Variants in PHACTR4 observed in about 807,000 individuals in gnomAD.
PHACTR4 encodes protein phosphatase 1, regulatory subunit 124.
Under a neutral mutation model 72.7 loss-of-function variants are expected in PHACTR4, and 51 were observed. That is an observed-to-expected ratio of 0.70 (90% CI 0.56 to 0.89). The LOEUF (loss-of-function observed/expected upper bound fraction) is 0.89. Ranked by LOEUF, PHACTR4 falls within the 40% of genes least tolerant of loss-of-function variation. The pLI is 0.00. For missense variants in PHACTR4, 731 were observed against 861.8 expected (o/e 0.85, Z 1.90); for synonymous variants, 255 against 302.5 (o/e 0.84, Z 1.63).
At chr1:28,414,241 A>G (rs979923911) in intron 2 of PHACTR4, among the ~76,000 whole-genome samples, 3 of 151,612 alleles carry the variant, frequency 2.0e-5, no homozygotes, top group African/African-American at 7.3e-5. Context: ...TGCCTGGCTA[A>G]TTTTTGTAGT....
intron 2 of PHACTR4, 111 bp from the exon 3 acceptor site, chr1:28,458,974 C>A: frequency 1.1e-6 from 1 of 940,558 alleles, no homozygotes; most frequent in Non-Finnish European, 1.5e-6. Context: ...GATTGTTTAT[C>A]GTTGCTCCGA....
Position 28,496,675 on chromosome 1 carries a change from G to A in PHACTR4, c.*126G>A. ...TGCATCCTCTGGGATCTTCTGAGGT[G>A]GACAGCACTTTGAATGTAGCATTTC... On this transcript the variant is annotated 3_prime_UTR_variant, in exon 14 of 14. Transcript: ENST00000373839. 9.1e-7 allele frequency: 1 copy of A among 1,102,456 alleles called. No individual in the cohort carries two copies. The highest frequency in any genetic ancestry group is 1.4e-6 in the Non-Finnish European group (1 of 729,166). The allele number at this position is 1,102,456 out of a possible 1,614,324, so 68.3% of individuals were successfully genotyped here.
At chr1:28,439,676 C>A (rs1656861708) in intron 2 of PHACTR4, among the ~76,000 whole-genome samples, 1 of 152,198 alleles carries the variant, frequency 6.6e-6, no homozygotes, top group South Asian at 2.1e-4. Context: ...CCCAGCCTAA[C>A]AGATGAAATT....
At chr1:28,376,134 C>G (rs12131892) in intron 1 of PHACTR4, among the ~76,000 whole-genome samples, 57,923 of 151,602 alleles carry the variant, frequency 0.38, 12,735 homozygotes, top group African/African-American at 0.6. Context: ...CTACCATAAC[C>G]AAATTATGTA....
At chr1:28,402,488 A>G (rs531295732) in intron 1 of PHACTR4, among the ~76,000 whole-genome samples, 2 of 152,298 alleles carry the variant, frequency 1.3e-5, no homozygotes, top group South Asian at 2.1e-4. Context: ...ATGTTGGCCT[A>G]TGTCTGTAAT....
chr1:28,382,387 T>C (rs1276197039), intron 1 of PHACTR4, among the ~76,000 whole-genome samples: 2 of 152,098 alleles, frequency 1.3e-5, no homozygotes, highest in South Asian at 2.1e-4. Flanking sequence ...CACTGCAAGC[T>C]CCGGCTCCTG....
At chr1:28,370,776 CACTT>C (rs1651181902) in intron 1 of PHACTR4, among the ~76,000 whole-genome samples, 1 of 152,090 alleles carries the variant, frequency 6.6e-6, no homozygotes, top group African/African-American at 2.4e-5. Flanking sequence ...TTCTAGAAGT[CACTT>C]ACTTTTTCGC....
intron 6 of PHACTR4, among the ~76,000 whole-genome samples, chr1:28,471,752 A>G (rs1659574539): frequency 6.6e-6 from 1 of 152,038 alleles, no homozygotes; most frequent in African/African-American, 2.4e-5. Flanking sequence ...TCTAATAAAC[A>G]TATATTGAGG....
chr1:28,397,714 T>G (rs1041949103), intron 1 of PHACTR4, among the ~76,000 whole-genome samples: 1 of 151,716 alleles, frequency 6.6e-6, no homozygotes, highest in South Asian at 2.1e-4. Flanking sequence ...CTTTTTTTTT[T>G]TTTTTTGAGT....
At chr1:28,403,749 C>T (rs889328645) in intron 1 of PHACTR4, among the ~76,000 whole-genome samples, 21 of 152,056 alleles carry the variant, frequency 1.4e-4, no homozygotes, top group African/African-American at 4.3e-4. Context: ...TCCTCCCCAC[C>T]CACCCCCAAC....
chr1:28,488,912 G>A (rs1660870437), intron 9 of PHACTR4, among the ~76,000 whole-genome samples: 1 of 152,106 alleles, frequency 6.6e-6, no homozygotes, highest in Non-Finnish European at 1.5e-5. Flanking sequence ...TGTGCTAATA[G>A]CTCTTATCAA....
intron 13 of PHACTR4, among the ~76,000 whole-genome samples, chr1:28,495,616 T>TTA (rs1553208109): frequency 1.4e-5 from 2 of 142,900 alleles, no homozygotes; most frequent in African/African-American, 5.7e-5. Context: ...TTTATTTATT[T>TTA]TTTTTTTTTT....
intron 1 of PHACTR4, among the ~76,000 whole-genome samples, chr1:28,380,499 C>T (rs538258532): frequency 6.6e-6 from 1 of 152,210 alleles, no homozygotes; most frequent in East Asian, 1.9e-4. Flanking sequence ...AGATCCTCTC[C>T]CTGCTCCCAT....
intron 8 of PHACTR4, among the ~76,000 whole-genome samples, chr1:28,478,809 GAC>G (rs1660087039): frequency 6.6e-6 from 1 of 151,424 alleles, no homozygotes; most frequent in Admixed American, 6.6e-5. Context: ...TTTAAGTAGA[GAC>G]ACAGTCTTGC....
chr1:28,474,558 T>C (rs1659796677), intron 7 of PHACTR4, among the ~76,000 whole-genome samples: 1 of 151,730 alleles, frequency 6.6e-6, no homozygotes, highest in African/African-American at 2.4e-5. Flanking sequence ...TTTTTTTTTT[T>C]CCGAGATGGA....
At chr1:28,388,519 A>G (rs1002997341) in intron 1 of PHACTR4, among the ~76,000 whole-genome samples, 1 of 152,188 alleles carries the variant, frequency 6.6e-6, no homozygotes, top group Non-Finnish European at 1.5e-5. Flanking sequence ...ATCCACATGC[A>G]GAAGAATGAA....
chr1:28,451,208 C>G (rs570219453), intron 2 of PHACTR4, among the ~76,000 whole-genome samples: 7 of 151,456 alleles, frequency 4.6e-5, no homozygotes, highest in Admixed American at 2.6e-4. Flanking sequence ...ACCCACCTGG[C>G]CTTCCAATGT....
chr1:28,396,449 T>G (rs1653506509), intron 1 of PHACTR4, among the ~76,000 whole-genome samples: 1 of 151,608 alleles, frequency 6.6e-6, no homozygotes, highest in African/African-American at 2.4e-5. Context: ...AAGAATCACT[T>G]GAACCTGGGA....
chr1:28,373,613 G>A (rs1028558611), intron 1 of PHACTR4, among the ~76,000 whole-genome samples: 6 of 151,818 alleles, frequency 4.0e-5, no homozygotes, highest in Non-Finnish European at 5.9e-5. Flanking sequence ...TTTTTATAGA[G>A]ACAGGTCTCG....
Sources: gnomAD v4.1 joint callset for allele counts (sites outside exome capture counted in the v4.1 genomes callset) on GRCh38, gnomAD v4.1.1 for gene constraint, MANE v1.5 for transcripts, NCBI Gene and HGNC (gene_info 2026-07-23, HGNC 2026-07-21) for gene names.